ATXN7L1: variants seen among roughly 807,000 people sequenced by gnomAD.
ATXN7L1 encodes ataxin-7-like protein 1.
A neutral mutation model predicts 70.8 loss-of-function variants in ATXN7L1; 15 were observed. The observed-to-expected ratio is 0.21, with a 90% CI of 0.14 to 0.33. The LOEUF (loss-of-function observed/expected upper bound fraction) is 0.33, where lower values mean the gene tolerates loss of function less well. ATXN7L1 is among the 10% of genes least tolerant of loss of function. ATXN7L1 has a pLI of 1.00. For synonymous variants in ATXN7L1, 440 were observed against 445.1 expected, an observed-to-expected ratio of 0.99 and a Z score of 0.14; for missense variants, 975 against 1,097.1, an observed-to-expected ratio of 0.89 and a Z score of 1.57.
chr7:105,712,096 G>A (rs1329984423), intron 3 of ATXN7L1, among the ~76,000 whole-genome samples: 1 of 152,258 alleles, frequency 6.6e-6, no homozygotes, highest in East Asian at 1.9e-4. Flanking sequence ...TGAAGCCACT[G>A]CCTGAGGTGT....
At chr7:105,730,057 G>A (rs539853301) in intron 3 of ATXN7L1, among the ~76,000 whole-genome samples, 79 of 152,252 alleles carry the variant, frequency 5.2e-4, no homozygotes, top group South Asian at 4.1e-3. Context: ...TCTTAAGTGT[G>A]GGTTGTGCAC....
In ATXN7L1 at chr7:105,865,544, G is replaced by A. The variant is rs192860249; in HGVS notation, c.250+10268C>T. ...AGCCTCCTGAGCAGCTGGGACTACA[G>A]GCACGTGCCACCATACCCAGCTAAT... On this transcript the variant is annotated intron_variant, in intron 2 of 11. Transcript: ENST00000419735. Among the ~76,000 whole-genome samples, 18 of 152,120 alleles carry A rather than the reference G, an allele frequency of 1.2e-4. 1 individual carries two copies. Among genetic ancestry groups the A allele is most frequent in the Admixed American group, 7.9e-4 (12 of 15,280 alleles).
At chr7:105,659,189 G>A (rs905950582) in intron 4 of ATXN7L1, among the ~76,000 whole-genome samples, 3 of 152,180 alleles carry the variant, frequency 2.0e-5, no homozygotes, top group Admixed American at 6.5e-5. Flanking sequence ...CAATGTGGCT[G>A]TTGAAAATGT....
At chr7:105,653,066 T>C (rs922813623) in intron 4 of ATXN7L1, among the ~76,000 whole-genome samples, 9 of 152,078 alleles carry the variant, frequency 5.9e-5, no homozygotes, top group Non-Finnish European at 1.0e-4. Context: ...ATTTTTGCCA[T>C]ATTAAAAAAA....
At chr7:105,632,153 T>A (rs77521564) in intron 7 of ATXN7L1, among the ~76,000 whole-genome samples, 4,923 of 152,030 alleles carry the variant, frequency 0.032, 137 homozygotes, top group East Asian at 0.11. Flanking sequence ...TGCTGGAGCA[T>A]CCCCAGTGTG....
intron 3 of ATXN7L1, among the ~76,000 whole-genome samples, chr7:105,783,345 A>C (rs1469599063): frequency 5.9e-5 from 9 of 152,174 alleles, no homozygotes; most frequent in Non-Finnish European, 1.2e-4. Context: ...GGGTGATAGG[A>C]ATATCTTTCA....
intron 2 of ATXN7L1, among the ~76,000 whole-genome samples, chr7:105,855,524 T>C (rs1046130262): frequency 1.3e-5 from 2 of 152,166 alleles, no homozygotes; most frequent in East Asian, 3.8e-4. Context: ...TGAAATGCAG[T>C]GGTAGGAGAG....
Position 105,816,446 on chromosome 7 carries a change from G to A in ATXN7L1, c.251-27738C>T, listed in dbSNP as rs1482196710. 2.6e-5 allele frequency among the ~76,000 whole-genome samples: 4 copies of A among 152,198 alleles called. No homozygotes were observed. The South Asian group carries it at 6.2e-4, about 24-fold the overall frequency. ...CAGAGCAACTTAAAATGAGAGGTTA[G>A]GGTGGAGGAGGAGAAAGAGGAAGTA... On this transcript the variant is annotated intron_variant, in intron 2 of 11. Transcript: ENST00000419735.
chr7:105,698,991 G>A (rs1792097746), intron 3 of ATXN7L1, among the ~76,000 whole-genome samples: 1 of 152,120 alleles, frequency 6.6e-6, no homozygotes, highest in South Asian at 2.1e-4. Flanking sequence ...ATCAAATTTG[G>A]TGTTTCTAAA....
rs188546205 is a variant in ATXN7L1, at chr7:105,702,877, G to A, written c.356-37589C>T. ...CTCATGCCTGTAATCCCAGCACTTT[G>A]GGAGGCCGAGGCAGGCAGGTCAAAA... On this transcript the variant is annotated intron_variant, in intron 3 of 11. Transcript: ENST00000419735. Among the ~76,000 whole-genome samples the A allele has an allele frequency of 3.9e-5, 6 of 152,208 alleles. No individual in the cohort carries two copies. The East Asian group carries it at 9.7e-4, about 25-fold the overall frequency.
chr7:105,760,756 G>A, intron 3 of ATXN7L1: 1 of 181,332 alleles, frequency 5.5e-6, no homozygotes, highest in Non-Finnish European at 1.1e-5. Context: ...GATGCAGTCT[G>A]AAGGATGAGT....
intron 2 of ATXN7L1, among the ~76,000 whole-genome samples, chr7:105,797,402 G>A (rs1305655397): frequency 2.0e-5 from 3 of 152,232 alleles, no homozygotes; most frequent in Non-Finnish European, 4.4e-5. Context: ...TTCCTCAGGA[G>A]AAGGACCTTT....
Position 105,607,778 on chromosome 7 carries a change from C to T in ATXN7L1, c.*74G>A. 1 of 1,388,688 alleles carries T rather than the reference C, an allele frequency of 7.2e-7. No homozygotes were observed. The highest frequency in any genetic ancestry group is 1.0e-6 in the Non-Finnish European group (1 of 998,872). The allele number at this position is 1,388,688 out of a possible 1,614,324, so 86.0% of individuals were successfully genotyped here. A position where few individuals can be genotyped will look rare whatever the true frequency, so the allele number is the denominator to read the frequency against. On this transcript the variant is annotated 3_prime_UTR_variant, in exon 12 of 12. Transcript: ENST00000419735. ...CTCTCCCCCCAGCCCACTCCCCTCC[C>T]TCCTCCTCCCCATGGCCTCCTCGGA... is the stretch of plus-strand genomic sequence containing the variant.
chr7:105,672,709 A>G (rs957696537), intron 3 of ATXN7L1, among the ~76,000 whole-genome samples: 4 of 152,118 alleles, frequency 2.6e-5, no homozygotes, highest in African/African-American at 9.7e-5. Flanking sequence ...TACAGATAGG[A>G]GGAATCTGAA....
chr7:105,652,888 A>T lies in ATXN7L1; in HGVS notation c.579-9767T>A, dbSNP rs145075039. On this transcript the variant is annotated intron_variant, in intron 4 of 11. Coordinates refer to ENST00000419735, the MANE Select transcript of ATXN7L1 (RefSeq NM_020725.2). ...GCTCCCAGTTTCCTGCCAGAGGAAA[A>T]GCCCTCAGGAGCACCTTCCCTCCCC... Among the ~76,000 whole-genome samples the T allele has an allele frequency of 7.3e-3, 1,116 of 152,274 alleles. 12 individuals carry two copies. The highest frequency in any genetic ancestry group is 0.026 in the African/African-American group (1,064 of 41,556).
intron 2 of ATXN7L1, among the ~76,000 whole-genome samples, chr7:105,822,428 A>G (rs1321671264): frequency 6.6e-6 from 1 of 152,160 alleles, no homozygotes; most frequent in Non-Finnish European, 1.5e-5. Flanking sequence ...TTAAGTAAGG[A>G]TGAGAGACTT....
At chr7:105,689,355 T>C (rs1584734957) in intron 3 of ATXN7L1, among the ~76,000 whole-genome samples, 2 of 152,212 alleles carry the variant, frequency 1.3e-5, no homozygotes, top group African/African-American at 4.8e-5. Flanking sequence ...CAACGTGCTC[T>C]AGGAGACAGA....
intron 7 of ATXN7L1, among the ~76,000 whole-genome samples, chr7:105,634,088 G>T (rs1331942802): frequency 6.6e-6 from 1 of 152,212 alleles, no homozygotes; most frequent in South Asian, 2.1e-4. Flanking sequence ...CTGGTGGGAA[G>T]GAGTTCACTG....
At chr7:105,613,609 TG>T in intron 10 of ATXN7L1, 4 of 1,367,040 alleles carry the variant, frequency 2.9e-6, no homozygotes, top group Non-Finnish European at 3.8e-6. Context: ...CTCACTGCAC[TG>T]GGGTGTCGTG....
Sources: gnomAD v4.1 joint callset for allele counts (sites outside exome capture counted in the v4.1 genomes callset) on GRCh38, gnomAD v4.1.1 for gene constraint, MANE v1.5 for transcripts, NCBI Gene and HGNC (gene_info 2026-07-23, HGNC 2026-07-21) for gene names.